MFSD11: variants seen among roughly 807,000 people sequenced by gnomAD.
The protein encoded by MFSD11 is major facilitator superfamily domain containing 11.
Under a neutral mutation model 53.5 loss-of-function variants are expected in MFSD11, and 36 were observed. The observed-to-expected ratio is 0.67, with a 90% CI of 0.52 to 0.89. The LOEUF (loss-of-function observed/expected upper bound fraction) is 0.89. Among genes scored for constraint, MFSD11 ranks in the 40% least tolerant of loss-of-function variants. MFSD11 has a pLI of 0.00. For missense variants in MFSD11, 530 were observed against 543.9 expected (o/e 0.97, Z 0.25); for synonymous variants, 186 against 184.9 (o/e 1.01, Z -0.05).
Position 76,776,755 on chromosome 17 carries a change from C to T in MFSD11, c.1185+214C>T, listed in dbSNP as rs1197426636. Among the ~76,000 whole-genome samples, 1 of 152,084 alleles carries T rather than the reference C, an allele frequency of 6.6e-6. No homozygotes were observed. Among genetic ancestry groups the T allele is most frequent in the East Asian group, 1.9e-4 (1 of 5,176 alleles). Reference sequence around the variant, plus strand: ...TCCCGGGTTCAAGCAATTCTCCTGCCTTAGCCTCCTGAGTAGCTGAGATTA... The same window carrying T: ...TCCCGGGTTCAAGCAATTCTCCTGCTTTAGCCTCCTGAGTAGCTGAGATTA... On this transcript the variant is annotated intron_variant, in intron 12 of 12. Transcript: ENST00000685175. This position sits in a 1 kb window ranked among gnomAD's most constrained non-coding sequence, Gnocchi z 4.2.
chr17:76,798,216 G>A, the MFSD11 span, among the ~76,000 whole-genome samples: 99,399 of 151,870 alleles, frequency 0.65, 33,549 homozygotes, highest in Middle Eastern at 0.76. Context: ...AAAATTGCCA[G>A]TTTATTGTAG....
chr17:76,795,350 G>A, the MFSD11 span, among the ~76,000 whole-genome samples: 6 of 149,560 alleles, frequency 4.0e-5, no homozygotes, highest in East Asian at 2.0e-4. Context: ...TTAGCCAGAC[G>A]TGGTGGCGTG....
chr17:76,771,865 T>G (rs1443790123), intron 10 of MFSD11, among the ~76,000 whole-genome samples: 1 of 152,162 alleles, frequency 6.6e-6, no homozygotes, highest in Non-Finnish European at 1.5e-5. Flanking sequence ...TGAACACCTC[T>G]AAGTACCAGA....
downstream of MFSD11, among the ~76,000 whole-genome samples, chr17:76,780,756 C>T (rs532310554): frequency 5.3e-5 from 8 of 152,016 alleles, no homozygotes; most frequent in African/African-American, 1.2e-4. Context: ...CCTCATGATC[C>T]GCCTGCCTCA....
intron 7 of MFSD11, among the ~76,000 whole-genome samples, chr17:76,745,048 A>C (rs2078414288): frequency 6.6e-6 from 1 of 152,214 alleles, no homozygotes; most frequent in African/African-American, 2.4e-5. Context: ...ACCTAAGCAC[A>C]TTTCAGTTTC....
intron 2 of MFSD11, 49 bp downstream of exon 2, chr17:76,739,042 T>C: frequency 7.1e-7 from 1 of 1,407,484 alleles, no homozygotes; most frequent in Non-Finnish European, 1.0e-6. Flanking sequence ...AGTAGTTGCT[T>C]AAATCTCATC....
chr17:76,771,983 C>T (rs1170281873), intron 10 of MFSD11, among the ~76,000 whole-genome samples: 2 of 151,894 alleles, frequency 1.3e-5, no homozygotes, highest in Admixed American at 6.6e-5. Context: ...AAATGGCGGG[C>T]GAAGCTTAGC....
the MFSD11 span, among the ~76,000 whole-genome samples, chr17:76,797,145 G>A: frequency 6.6e-6 from 1 of 152,028 alleles, no homozygotes; most frequent in Middle Eastern, 3.2e-3. Context: ...CTCCAGCATG[G>A]GCGACAGAGC....
intron 8 of MFSD11, among the ~76,000 whole-genome samples, chr17:76,755,073 C>T (rs950516128): frequency 6.6e-5 from 10 of 152,086 alleles, no homozygotes; most frequent in South Asian, 2.1e-4. Context: ...CAAAATTAGT[C>T]GGGTGTGGTG....
rs2078158083 is a variant in MFSD11 at position 76,742,269 on chromosome 17, T to C, written c.433T>C (p.Ser145Pro). 1 of 1,612,240 alleles carries C rather than the reference T, an allele frequency of 6.2e-7. No individual in the cohort carries two copies. The change falls in exon 5 of 13, where the codon TCT (serine) becomes CCT (proline). Residue 145 changes from serine (S) to proline (P), a missense_variant. Physicochemically the swap from Ser to Pro is moderately conservative, Grantham distance 74. Coordinates refer to ENST00000685175, the MANE Select transcript of MFSD11 (RefSeq NM_001242532.5). ...TGGGATTTTCTGGGCACTTCTGCAG[T>C]CTAGGTAATTATCCTTTTGAGGTTC... ...NSGIFWALLQ[S>P]SLFFGNLYIY... is the part of the protein sequence containing the mutation.
chr17:76,743,670 G>A (rs1050237596), intron 6 of MFSD11, among the ~76,000 whole-genome samples: 1 of 152,284 alleles, frequency 6.6e-6, no homozygotes, highest in Non-Finnish European at 1.5e-5. Context: ...AGGCTGGAAT[G>A]CAATGGTGCC....
chr17:76,737,080 G>C (rs140957080), upstream of MFSD11: 1 of 1,612,600 alleles, frequency 6.2e-7, no homozygotes, highest in Non-Finnish European at 8.5e-7. Context: ...TCAGCGTGTC[G>C]GGCGAGGTGC....
the MFSD11 span, among the ~76,000 whole-genome samples, chr17:76,799,948 CTT>C: frequency 8.9e-5 from 12 of 134,426 alleles, no homozygotes; most frequent in East Asian, 2.0e-4. Context: ...TTTTCTTTTT[CTT>C]TTTCCTTTTT....
At chr17:76,752,541 C>G (rs1375479998) in intron 7 of MFSD11, among the ~76,000 whole-genome samples, 1 of 152,002 alleles carries the variant, frequency 6.6e-6, no homozygotes, top group Non-Finnish European at 1.5e-5. Flanking sequence ...CCACACCCTG[C>G]TAAATTTTTT....
chr17:76,800,786 C>T, the MFSD11 span, among the ~76,000 whole-genome samples: 1 of 152,056 alleles, frequency 6.6e-6, no homozygotes, highest in Non-Finnish European at 1.5e-5. Flanking sequence ...TCTATTAATA[C>T]CATACTCAGA....
the MFSD11 span, among the ~76,000 whole-genome samples, chr17:76,793,019 C>T: frequency 1.5e-4 from 22 of 151,396 alleles, no homozygotes; most frequent in Admixed American, 9.2e-4. Context: ...AAAGAGATCA[C>T]ATGCTTCACA....
At chr17:76,741,094 T>C (rs1376775293) in intron 3 of MFSD11, 30 bp downstream of exon 3, 1 of 1,240,844 alleles carries the variant, frequency 8.1e-7, no homozygotes, top group South Asian at 1.2e-5. Flanking sequence ...ACTTATTTAA[T>C]CAGAACACTT....
chr17:76,785,945 G>C (rs1165874178), downstream of MFSD11, among the ~76,000 whole-genome samples: 1 of 151,490 alleles, frequency 6.6e-6, no homozygotes, highest in African/African-American at 2.4e-5. Context: ...TGGGCATGGT[G>C]GTGGGCACCT....
chr17:76,739,276 AAAGCACTTGGC>A (rs57674161), intron 2 of MFSD11, among the ~76,000 whole-genome samples: 136,914 of 152,086 alleles, frequency 0.9, 63,313 homozygotes, highest in Non-Finnish European at 1. Flanking sequence ...CAATGCATGT[AAAGCACTTGGC>A]ACAGTGCATG....
Sources: gnomAD v4.1 joint callset for allele counts (sites outside exome capture counted in the v4.1 genomes callset) on GRCh38, gnomAD v4.1.1 for gene constraint, Gnocchi (gnomAD v3.1) non-coding constraint, MANE v1.5 for transcripts, NCBI Gene and HGNC (gene_info 2026-07-23, HGNC 2026-07-21) for gene names.